The following MARCHF1 variants were observed in gnomAD, a reference collection of about 807,000 sequenced individuals.
MARCHF1 encodes E3 ubiquitin-protein ligase MARCHF1.
Under a neutral mutation model 54.2 loss-of-function variants are expected in MARCHF1, and 40 were observed. That is an observed-to-expected ratio of 0.74 (90% CI 0.57 to 0.96). The LOEUF is 0.96. MARCHF1 is among the 40% of genes least tolerant of loss of function. MARCHF1 has a pLI of 0.00. For missense variants in MARCHF1, 586 were observed against 656.5 expected (o/e 0.89, Z 1.17); for synonymous variants, 236 against 236.3 (o/e 1.00, Z 0.01).
chr4:163,680,998 G>A (rs1210111080), intron 5 of MARCHF1, among the ~76,000 whole-genome samples: 1 of 149,192 alleles, frequency 6.7e-6, no homozygotes, highest in Non-Finnish European at 1.5e-5. Flanking sequence ...AATACATTAT[G>A]TAATATTAAC....
chr4:163,853,439 C>T (rs1415665959), intron 4 of MARCHF1, among the ~76,000 whole-genome samples: 3 of 152,156 alleles, frequency 2.0e-5, no homozygotes, highest in Non-Finnish European at 4.4e-5. Flanking sequence ...GTGCTTTGTC[C>T]TAATCCCTGG....
At chr4:164,138,158 T>C (rs1020073851) in intron 1 of MARCHF1, among the ~76,000 whole-genome samples, 3 of 152,102 alleles carry the variant, frequency 2.0e-5, no homozygotes, top group Non-Finnish European at 2.9e-5. Context: ...AAATAAGACA[T>C]TTTCATTTAT....
At chr4:164,340,134 T>A (rs1004444212) in intron 1 of MARCHF1, among the ~76,000 whole-genome samples, 1 of 151,914 alleles carries the variant, frequency 6.6e-6, no homozygotes, top group African/African-American at 2.4e-5. Flanking sequence ...ATCCGATAGC[T>A]TCACTGGTAA....
At chr4:163,883,262 A>C (rs1445210797) in intron 3 of MARCHF1, among the ~76,000 whole-genome samples, 16 of 44,748 alleles carry the variant, frequency 3.6e-4, no homozygotes, top group Non-Finnish European at 5.8e-5. Flanking sequence ...TATATATGAG[A>C]GAGAGAGAGA....
intron 1 of MARCHF1, among the ~76,000 whole-genome samples, chr4:164,223,291 T>C (rs912055240): frequency 6.6e-6 from 1 of 152,038 alleles, no homozygotes; most frequent in African/African-American, 2.4e-5. Flanking sequence ...CAAAAGATCA[T>C]ATATAATTTT....
rs1395657807 is a variant in MARCHF1 at position 164,176,968 on chromosome 4, CTCTCTCTCTCTCTATATA to C, written c.-322-65324_-322-65307del. Among the ~76,000 whole-genome samples the C allele has an allele frequency of 5.6e-3, 241 of 43,280 alleles. 4 individuals are homozygous for C. Among genetic ancestry groups the C allele is most frequent in the African/African-American group, 0.024 (227 of 9,392 alleles). 28.4% of individuals were successfully genotyped at this position (43,280 alleles called of 152,430 possible). A position where few individuals can be genotyped will look rare whatever the true frequency, so the allele number is the denominator to read the frequency against. ...TCTCTCTCTCTCTCTCTCTCTCTCT[CTCTCTCTCTCTCTATATA>C]TATATATATATATATATATATATAC... On this transcript the variant is annotated intron_variant, in intron 1 of 9. Transcript: ENST00000514618.
At chr4:163,944,509 AT>A (rs1399701769) in intron 3 of MARCHF1, among the ~76,000 whole-genome samples, 1 of 152,158 alleles carries the variant, frequency 6.6e-6, no homozygotes. Context: ...GATGTGCCAC[AT>A]TCTTCCTTGA....
chr4:163,944,919 A>G (rs1751994949), intron 3 of MARCHF1, among the ~76,000 whole-genome samples: 1 of 152,182 alleles, frequency 6.6e-6, no homozygotes, highest in African/African-American at 2.4e-5. Context: ...AGCCACCTGT[A>G]TTGACTATTC....
chr4:164,338,377 TAACTC>T (rs1175412507), intron 1 of MARCHF1, among the ~76,000 whole-genome samples: 1 of 152,056 alleles, frequency 6.6e-6, no homozygotes, highest in East Asian at 1.9e-4. Context: ...AAAGAATATG[TAACTC>T]AACCATAAAA....
At chr4:163,655,638 T>C (rs752176087) in intron 5 of MARCHF1, among the ~76,000 whole-genome samples, 3 of 151,858 alleles carry the variant, frequency 2.0e-5, no homozygotes, top group Non-Finnish European at 4.4e-5. Context: ...TACTCTAAAA[T>C]TGATTGCCTA....
chr4:164,228,537 T>C (rs1220309890), intron 1 of MARCHF1, among the ~76,000 whole-genome samples: 1 of 152,190 alleles, frequency 6.6e-6, no homozygotes, highest in Non-Finnish European at 1.5e-5. Context: ...TGGTCAAACG[T>C]ATAATGTTGA....
intron 4 of MARCHF1, among the ~76,000 whole-genome samples, chr4:163,763,635 T>TA (rs760672500): frequency 1.1e-4 from 16 of 151,718 alleles, no homozygotes; most frequent in East Asian, 9.6e-4. Context: ...CCTAAACACT[T>TA]AAAAAAAAGA....
chr4:163,893,226 G>A lies in MARCHF1; in HGVS notation c.-38-39057C>T, dbSNP rs555943807. Among the ~76,000 whole-genome samples the A allele has an allele frequency of 7.1e-4, 108 of 152,026 alleles. 1 individual carries two copies. The highest frequency in any genetic ancestry group is 2.5e-3 in the African/African-American group (103 of 41,458). The stretch of plus-strand genomic sequence containing the variant: ...GGGATCTCAGCTCACTGCAACCTCC[G>A]CCTTCCAGTTCAAGCAATTCTCCCA... On this transcript the variant is annotated intron_variant, in intron 3 of 9. Coordinates refer to ENST00000514618, the MANE Select transcript of MARCHF1 (RefSeq NM_001394959.1).
At chr4:163,696,877 T>A (rs1353584058) in intron 5 of MARCHF1, among the ~76,000 whole-genome samples, 1 of 152,144 alleles carries the variant, frequency 6.6e-6, no homozygotes, top group Non-Finnish European at 1.5e-5. Flanking sequence ...TCTATACTTC[T>A]TTTTTAGGTA....
rs539353443 is a variant in MARCHF1, at chr4:164,122,625, C to T, written c.-322-10963G>A. On this transcript the variant is annotated intron_variant, in intron 1 of 9. Coordinates refer to ENST00000514618, the MANE Select transcript of MARCHF1 (RefSeq NM_001394959.1). ...TACAAAACCTGTCGCATCCACTGCCCACCAGTCTTTTCTGCTGGGAGACCC... is the reference window on the plus strand; with the variant it reads ...TACAAAACCTGTCGCATCCACTGCCTACCAGTCTTTTCTGCTGGGAGACCC... 5.3e-5 allele frequency among the ~76,000 whole-genome samples: 8 copies of T among 152,072 alleles called. No individual in the cohort carries two copies. The South Asian group carries it at 1.7e-3, about 32-fold the overall frequency.
intron 4 of MARCHF1, among the ~76,000 whole-genome samples, chr4:163,733,424 C>A (rs1410732892): frequency 9.1e-5 from 13 of 142,926 alleles, no homozygotes; most frequent in Non-Finnish European, 1.4e-4. Context: ...AAAAAAAAAA[C>A]CCAAAACTTC....
At chr4:163,671,583 AAAT>A (rs373522735) in intron 5 of MARCHF1, among the ~76,000 whole-genome samples, 20 of 152,298 alleles carry the variant, frequency 1.3e-4, no homozygotes, top group African/African-American at 3.6e-4. Context: ...TGGGTCACAT[AAAT>A]GGCTAACCAG....
chr4:163,733,177 GTATATATATATATATATATATATATATA>G lies in MARCHF1; in HGVS notation c.112-32342_112-32315del, dbSNP rs1169850987. ...TCTCTCTCTCTCTCTCTGTATGTGT[GTATATATATATATATATATATATATATA>G]TATATATATATATATACACGTGTAT... On this transcript the variant is annotated intron_variant, in intron 4 of 9. Transcript: ENST00000514618. 1.9e-3 allele frequency among the ~76,000 whole-genome samples: 34 copies of G among 17,550 alleles called. 5 individuals are homozygous for G. Among genetic ancestry groups the G allele is most frequent in the Non-Finnish European group, 2.9e-3 (29 of 9,986 alleles). The allele number at this position is 17,550 out of a possible 152,430, so 11.5% of individuals were successfully genotyped here.
intron 4 of MARCHF1, among the ~76,000 whole-genome samples, chr4:163,837,182 A>G (rs1262972748): frequency 6.6e-6 from 1 of 152,202 alleles, no homozygotes; most frequent in African/African-American, 2.4e-5. Flanking sequence ...GAAGGACAGA[A>G]TTCTAGATCC....
Sources: allele counts gnomAD v4.1 joint callset (sites outside exome capture counted in the v4.1 genomes callset), GRCh38; gene constraint gnomAD v4.1.1; transcripts MANE v1.5; gene names NCBI Gene and HGNC (gene_info 2026-07-23, HGNC 2026-07-21).